The following WASF1 variants were observed in gnomAD, a reference collection of about 807,000 sequenced individuals.
WASF1 encodes actin-binding protein WASF1.
In WASF1, 7 loss-of-function variants were observed where a neutral mutation model predicts 50.5. The observed-to-expected ratio is 0.14, with a 90% CI of 0.08 to 0.26. The LOEUF (loss-of-function observed/expected upper bound fraction) is 0.26. WASF1 is among the 10% of genes least tolerant of loss of function. The pLI is 1.00. For synonymous variants in WASF1, 205 were observed against 244.0 expected, an observed-to-expected ratio of 0.84 and a Z score of 1.49; for missense variants, 470 against 694.7, an observed-to-expected ratio of 0.68 and a Z score of 3.64.
chr6:110,134,366 G>GT (rs1774844245), intron 3 of WASF1, among the ~76,000 whole-genome samples: 2 of 151,416 alleles, frequency 1.3e-5, no homozygotes, highest in Admixed American at 1.3e-4. Context: ...TCAATTGGCT[G>GT]TAAGTATCTG....
intron 3 of WASF1, among the ~76,000 whole-genome samples, chr6:110,151,741 TCTA>T (rs761955387): frequency 1.3e-5 from 2 of 152,180 alleles, no homozygotes; most frequent in Non-Finnish European, 2.9e-5. Flanking sequence ...TCCTCAACTT[TCTA>T]CTGTTTCTTA....
chr6:110,100,330 T>A lies in WASF1; in HGVS notation c.*192A>T. 1 of 541,988 alleles carries A rather than the reference T, an allele frequency of 1.8e-6. No homozygotes were observed. Among genetic ancestry groups the A allele is most frequent in the East Asian group, 3.4e-5 (1 of 29,714 alleles). The allele number at this position is 541,988 out of a possible 1,614,324, so 33.6% of individuals were successfully genotyped here. A position where few individuals can be genotyped will look rare whatever the true frequency, so the allele number is the denominator to read the frequency against. On this transcript the variant is annotated 3_prime_UTR_variant, in exon 11 of 11. Transcript: ENST00000392589. ...AGTCTTTTCAGGGGGAAAAAAAAGA[T>A]AAGCCACTGTAAAACATTTAGTTTG...
chr6:110,111,804 G>GT (rs1773570956), intron 5 of WASF1, among the ~76,000 whole-genome samples: 1 of 152,104 alleles, frequency 6.6e-6, no homozygotes, highest in Non-Finnish European at 1.5e-5. Context: ...CTGCTAATGA[G>GT]TACAGGGCTT....
chr6:110,148,768 G>A (rs1231266736), intron 3 of WASF1, among the ~76,000 whole-genome samples: 5 of 152,158 alleles, frequency 3.3e-5, no homozygotes, highest in Non-Finnish European at 1.5e-5. Context: ...AATAAATGCA[G>A]GTAGACCAGA....
intron 3 of WASF1, among the ~76,000 whole-genome samples, chr6:110,150,309 A>G (rs1330891153): frequency 6.6e-6 from 1 of 152,226 alleles, no homozygotes; most frequent in Non-Finnish European, 1.5e-5. Context: ...CATATAGCTA[A>G]GGTCTAAAGT....
chr6:110,145,845 C>T (rs1489649114), intron 3 of WASF1, among the ~76,000 whole-genome samples: 3 of 151,916 alleles, frequency 2.0e-5, no homozygotes, highest in African/African-American at 7.3e-5. Flanking sequence ...ATGGATGAAG[C>T]TGGAAACCAT....
chr6:110,127,503 G>A lies in WASF1; in HGVS notation c.99C>T (p.Ser33=), dbSNP rs977347263. ...KNELECVTNI[S]LANIIRQLSS... ...TTAGTTGTCTAATTATATTTGCCAA[G>A]GAAATATTGGTTACACATTCCAGTT... Residue 33 remains serine, a synonymous_variant, in exon 4 of 11, where the codon TCC becomes TCT. Coordinates refer to ENST00000392589, the MANE Select transcript of WASF1 (RefSeq NM_003931.3). 6 of 1,602,712 alleles carry A rather than the reference G, an allele frequency of 3.7e-6. No individual in the cohort carries two copies. Among genetic ancestry groups the A allele is most frequent in the Non-Finnish European group, 5.1e-6 (6 of 1,175,156 alleles).
At chr6:110,171,527 T>C (rs1474443278) in intron 2 of WASF1, among the ~76,000 whole-genome samples, 1 of 152,088 alleles carries the variant, frequency 6.6e-6, no homozygotes, top group Admixed American at 6.6e-5. Flanking sequence ...GTTGAAAATA[T>C]CATGAAGTCT....
chr6:110,152,852 A>G (rs1775884267), intron 3 of WASF1, among the ~76,000 whole-genome samples: 1 of 152,200 alleles, frequency 6.6e-6, no homozygotes, highest in African/African-American at 2.4e-5. Flanking sequence ...ACATGGCTTA[A>G]TACTGTGAAA....
intron 3 of WASF1, among the ~76,000 whole-genome samples, chr6:110,129,899 C>T (rs1490302936): frequency 1.3e-5 from 2 of 152,038 alleles, no homozygotes; most frequent in East Asian, 1.9e-4. Context: ...TGTAATTTTC[C>T]CCATTTTTAA....
At chr6:110,145,690 A>G (rs1775524651) in intron 3 of WASF1, among the ~76,000 whole-genome samples, 1 of 152,144 alleles carries the variant, frequency 6.6e-6, no homozygotes, top group South Asian at 2.1e-4. Context: ...ATTTTGTCAA[A>G]GGCCTTTTCT....
chr6:110,136,513 C>T (rs1269588284), intron 3 of WASF1, among the ~76,000 whole-genome samples: 1 of 152,156 alleles, frequency 6.6e-6, no homozygotes, highest in Admixed American at 6.5e-5. Context: ...TAAGACTATA[C>T]AGTTGTTAAA....
chr6:110,170,508 G>GC (rs1776663311), intron 2 of WASF1, among the ~76,000 whole-genome samples: 2 of 152,092 alleles, frequency 1.3e-5, no homozygotes, highest in South Asian at 4.1e-4. Context: ...ACAGGTGTGA[G>GC]CCACCAGCCC....
chr6:110,169,544 T>C (rs936093515), intron 2 of WASF1, among the ~76,000 whole-genome samples: 2 of 152,140 alleles, frequency 1.3e-5, no homozygotes, highest in African/African-American at 4.8e-5. Flanking sequence ...TTCATTCAAC[T>C]CCTTTGATGG....
intron 6 of WASF1, 92 bp from the exon 7 acceptor site, chr6:110,107,286 T>A: frequency 1.2e-6 from 1 of 807,594 alleles, no homozygotes; most frequent in Non-Finnish European, 1.9e-6. Context: ...TCCTCTTACA[T>A]TAATAAAATA....
At chr6:110,132,064 A>T (rs1157159969) in intron 3 of WASF1, among the ~76,000 whole-genome samples, 1 of 152,124 alleles carries the variant, frequency 6.6e-6, no homozygotes, top group Admixed American at 6.5e-5. Flanking sequence ...CAGGATTTTT[A>T]AAAGTCTCTT....
At chr6:110,131,208 A>C (rs1774653442) in intron 3 of WASF1, among the ~76,000 whole-genome samples, 1 of 152,232 alleles carries the variant, frequency 6.6e-6, no homozygotes, top group African/African-American at 2.4e-5. Flanking sequence ...TTAGAACAAA[A>C]GCATAGTTTC....
intron 3 of WASF1, among the ~76,000 whole-genome samples, chr6:110,138,068 A>C (rs113152724): frequency 0.02 from 3,106 of 152,336 alleles, 119 homozygotes; most frequent in African/African-American, 0.07. Context: ...ACACCTGCCA[A>C]GGGTGAGCCA....
chr6:110,175,690 GC>G (rs1776899591), intron 2 of WASF1, among the ~76,000 whole-genome samples: 1 of 152,110 alleles, frequency 6.6e-6, no homozygotes, highest in Admixed American at 6.6e-5. Context: ...TTTTTGTCAT[GC>G]CCTAACTTCT....
Sources: gnomAD v4.1 joint callset for allele counts (sites outside exome capture counted in the v4.1 genomes callset) on GRCh38, gnomAD v4.1.1 for gene constraint, MANE v1.5 for transcripts, NCBI Gene and HGNC (gene_info 2026-07-23, HGNC 2026-07-21) for gene names.